The following ESRRG variants were observed in gnomAD, a reference collection of about 807,000 sequenced individuals.
ESRRG encodes the protein estrogen-related receptor gamma.
Under a neutral mutation model 44.0 loss-of-function variants are expected in ESRRG, and 13 were observed. The ratio of observed to expected loss-of-function variants is 0.30; its 90% CI spans 0.19 to 0.47. The LOEUF (loss-of-function observed/expected upper bound fraction) is 0.47. Ranked by LOEUF, ESRRG falls within the 20% of genes least tolerant of loss-of-function variation. The pLI is 1.00. For missense variants in ESRRG, 395 were observed against 580.6 expected, an observed-to-expected ratio of 0.68 and a Z score of 3.29; for synonymous variants, 215 against 214.6, an observed-to-expected ratio of 1.00 and a Z score of -0.02.
intron 1 of ESRRG, among the ~76,000 whole-genome samples, chr1:217,010,379 G>C (rs2078393140): frequency 6.6e-6 from 1 of 152,138 alleles, no homozygotes. Flanking sequence ...AATTTTTAAA[G>C]AGAAAGAGTG....
At position 216,746,362 on chromosome 1, in the gene ESRRG, A is replaced by T. The variant is rs142728861; in HGVS notation, c.-13-68871T>A. 3.8e-3 allele frequency among the ~76,000 whole-genome samples: 581 copies of T among 152,312 alleles called. 5 individuals are homozygous for T. The highest frequency in any genetic ancestry group is 0.013 in the African/African-American group (520 of 41,560). ...AGCTAGGCTGATGAAAAGAAAAATG[A>T]TACCAAACTAATAAAATATTCATAT... On this transcript the variant is annotated intron_variant, in intron 2 of 7. Transcript: ENST00000359162.
At chr1:216,968,804 G>T (rs2071017090) in intron 1 of ESRRG, among the ~76,000 whole-genome samples, 1 of 151,288 alleles carries the variant, frequency 6.6e-6, no homozygotes, top group East Asian at 2.0e-4. Context: ...TATAGGTCAA[G>T]TTGGCAAGAG....
At chr1:216,742,114 G>A (rs781317849) in intron 2 of ESRRG, among the ~76,000 whole-genome samples, 26 of 152,142 alleles carry the variant, frequency 1.7e-4, no homozygotes, top group Middle Eastern at 3.2e-3. Flanking sequence ...CCACAAGTCT[G>A]CTTCACAGAG....
intron 2 of ESRRG, among the ~76,000 whole-genome samples, chr1:216,898,840 G>T (rs1390369535): frequency 6.6e-6 from 1 of 152,066 alleles, no homozygotes; most frequent in Non-Finnish European, 1.5e-5. Context: ...TGTTTTTATG[G>T]GAAAACATGT....
intron 2 of ESRRG, among the ~76,000 whole-genome samples, chr1:216,894,091 T>C (rs1476643072): frequency 6.6e-6 from 1 of 152,156 alleles, no homozygotes; most frequent in Non-Finnish European, 1.5e-5. Flanking sequence ...TGATTTTCAT[T>C]GTGTTTATAC....
chr1:216,787,359 C>T (rs1487037059), intron 2 of ESRRG, among the ~76,000 whole-genome samples: 9 of 152,122 alleles, frequency 5.9e-5, no homozygotes, highest in Non-Finnish European at 1.5e-5. Context: ...AATCCCAGCA[C>T]TTTGGGAGAC....
At chr1:216,662,243 G>C (rs2072656219) in intron 2 of ESRRG, among the ~76,000 whole-genome samples, 1 of 152,182 alleles carries the variant, frequency 6.6e-6, no homozygotes, top group African/African-American at 2.4e-5. Flanking sequence ...GTGCTAGCCA[G>C]AGAATTTCTT....
chr1:216,817,422 C>T (rs1051676914), intron 2 of ESRRG, among the ~76,000 whole-genome samples: 15 of 152,216 alleles, frequency 9.9e-5, no homozygotes, highest in African/African-American at 2.2e-4. Context: ...GCATATCTTT[C>T]GGAATTGTAA....
intron 1 of ESRRG, among the ~76,000 whole-genome samples, chr1:216,705,029 A>G (rs2082170529): frequency 6.6e-6 from 1 of 152,160 alleles, no homozygotes; most frequent in African/African-American, 2.4e-5. Flanking sequence ...TAAAAATAGT[A>G]TGTTTAAACT....
intron 1 of ESRRG, among the ~76,000 whole-genome samples, chr1:217,063,163 A>G (rs1379602766): frequency 2.0e-5 from 3 of 152,166 alleles, no homozygotes; most frequent in Admixed American, 6.5e-5. Context: ...CAGGGAAAAG[A>G]GGGCTGATAT....
intron 2 of ESRRG, among the ~76,000 whole-genome samples, chr1:216,821,735 A>C (rs1449008260): frequency 2.7e-5 from 4 of 146,770 alleles, no homozygotes; most frequent in African/African-American, 7.6e-5. Flanking sequence ...TAAATAAATA[A>C]ATAAATAAAA....
At chr1:216,642,230 A>G (rs971190182) in intron 3 of ESRRG, among the ~76,000 whole-genome samples, 1 of 152,132 alleles carries the variant, frequency 6.6e-6, no homozygotes, top group Non-Finnish European at 1.5e-5. Context: ...GCTCTGTGAA[A>G]TGGGGAAATA....
At chr1:216,928,330 T>A (rs1266056587) in intron 2 of ESRRG, among the ~76,000 whole-genome samples, 1 of 152,092 alleles carries the variant, frequency 6.6e-6, no homozygotes, top group Non-Finnish European at 1.5e-5. Context: ...ATGTCTCAGT[T>A]TTTTCTGCCC....
At chr1:216,647,274 C>CA (rs997608643) in intron 3 of ESRRG, among the ~76,000 whole-genome samples, 3 of 151,868 alleles carry the variant, frequency 2.0e-5, no homozygotes, top group African/African-American at 4.8e-5. Flanking sequence ...GGTATAATGA[C>CA]AAAAAAATAA....
intron 1 of ESRRG, among the ~76,000 whole-genome samples, chr1:217,052,282 G>T (rs1023662705): frequency 1.3e-5 from 2 of 152,184 alleles, no homozygotes; most frequent in Non-Finnish European, 2.9e-5. Context: ...AAGTGCCAGA[G>T]AATGAACTGA....
chr1:216,749,886 T>G (rs901244740), intron 2 of ESRRG, among the ~76,000 whole-genome samples: 2 of 152,188 alleles, frequency 1.3e-5, no homozygotes, highest in Non-Finnish European at 2.9e-5. Flanking sequence ...AATTTTTGCA[T>G]CATAAACTTT....
Position 216,723,427 on chromosome 1 carries a change from C to G in ESRRG, c.-128G>C. The stretch of plus-strand genomic sequence containing the variant: ...TAGGCACAGCCAGTTGGGACCAAAG[C>G]TCTCACACTCTCCTAATCAAGGACT... On this transcript the variant is annotated 5_prime_UTR_variant, in exon 1 of 7. Transcript: ENST00000408911. 1.3e-6 allele frequency: 1 copy of G among 788,472 alleles called. No homozygotes were observed. Among genetic ancestry groups the G allele is most frequent in the Non-Finnish European group, 2.2e-6 (1 of 455,954 alleles). The allele number at this position is 788,472 out of a possible 1,614,324, so 48.8% of individuals were successfully genotyped here. A position where few individuals can be genotyped will look rare whatever the true frequency, so the allele number is the denominator to read the frequency against.
chr1:217,041,560 T>G (rs1579957547), intron 1 of ESRRG, among the ~76,000 whole-genome samples: 1 of 152,192 alleles, frequency 6.6e-6, no homozygotes, highest in Non-Finnish European at 1.5e-5. Flanking sequence ...ATGCCCAAGT[T>G]AGATTTAAGG....
intron 3 of ESRRG, among the ~76,000 whole-genome samples, chr1:216,641,648 T>C (rs988888115): frequency 6.6e-6 from 1 of 152,246 alleles, no homozygotes; most frequent in African/African-American, 2.4e-5. Context: ...TTTCTTTATG[T>C]TCCAATTTGG....
Sources: allele counts gnomAD v4.1 joint callset (sites outside exome capture counted in the v4.1 genomes callset), GRCh38; gene constraint gnomAD v4.1.1; transcripts MANE v1.5; gene names NCBI Gene and HGNC (gene_info 2026-07-23, HGNC 2026-07-21).